Variants in BABAM2 observed in about 807,000 individuals in gnomAD.
BABAM2 encodes the protein BRISC and BRCA1-A complex member 2.
A neutral mutation model predicts 54.7 loss-of-function variants in BABAM2; 31 were observed. That is an observed-to-expected ratio of 0.57 (90% CI 0.43 to 0.77). The LOEUF is 0.77. Among genes scored for constraint, BABAM2 ranks in the 30% least tolerant of loss-of-function variants. The pLI, the probability that BABAM2 is intolerant of heterozygous loss-of-function variation, is 0.00. For missense variants in BABAM2, 364 were observed against 455.8 expected (o/e 0.80, Z 1.83); for synonymous variants, 167 against 162.9 (o/e 1.03, Z -0.19).
At chr2:28,321,538 G>A (rs1181836544) in intron 11 of BABAM2, among the ~76,000 whole-genome samples, 3 of 152,134 alleles carry the variant, frequency 2.0e-5, no homozygotes, top group African/African-American at 7.2e-5. Flanking sequence ...GAATGAGGCT[G>A]TGTCACCACT....
At chr2:28,079,896 A>G (rs185283940) in intron 6 of BABAM2, among the ~76,000 whole-genome samples, 5 of 152,308 alleles carry the variant, frequency 3.3e-5, no homozygotes, top group Admixed American at 2.0e-4. Flanking sequence ...TGGTATTAAC[A>G]ATAAAAGTTA....
rs10166652 is a variant in BABAM2, at chr2:28,114,868, A to C, written c.571-14403A>C. On this transcript the variant is annotated intron_variant, in intron 6 of 11. Transcript: ENST00000379624. ...ACTTATACCAACTGATTTACATTGGAAAGTCAAGTTAATAATTTCAATAGA... is the reference window on the plus strand; with the variant it reads ...ACTTATACCAACTGATTTACATTGGCAAGTCAAGTTAATAATTTCAATAGA... Among the ~76,000 whole-genome samples the C allele has an allele frequency of 3.1e-3, 475 of 152,312 alleles. 5 individuals carry two copies. Among genetic ancestry groups the C allele is most frequent in the African/African-American group, 0.011 (457 of 41,562 alleles).
intron 6 of BABAM2, among the ~76,000 whole-genome samples, chr2:28,079,902 A>C (rs1665014791): frequency 6.6e-6 from 1 of 152,174 alleles, no homozygotes; most frequent in Admixed American, 6.5e-5. Context: ...TAACAATAAA[A>C]GTTATATTAT....
rs575202066 is a variant in BABAM2, at chr2:28,284,277, G to T, written c.935-14061G>T. On this transcript the variant is annotated intron_variant, in intron 10 of 11. Transcript: ENST00000379624. ...TGTCCCACCCATGCTCATAGAAGAA[G>T]TAATGACCAAGGAGCTAGTCAGAAA... Among the ~76,000 whole-genome samples the T allele has an allele frequency of 9.4e-4, 143 of 152,062 alleles. 1 individual carries two copies. The highest frequency in any genetic ancestry group is 3.3e-3 in the African/African-American group (136 of 41,492).
intron 5 of BABAM2, among the ~76,000 whole-genome samples, chr2:28,036,698 T>C (rs900704482): frequency 3.3e-5 from 5 of 152,224 alleles, no homozygotes; most frequent in Admixed American, 2.6e-4. Flanking sequence ...GGCCATGCTA[T>C]GTTTTTATCC....
intron 6 of BABAM2, among the ~76,000 whole-genome samples, chr2:28,101,703 T>C (rs998251009): frequency 1.3e-5 from 2 of 152,214 alleles, no homozygotes; most frequent in Admixed American, 1.3e-4. Context: ...GTGCATGTTT[T>C]ATGATGTTCA....
chr2:28,233,594 G>GT (rs1333855505), intron 7 of BABAM2, among the ~76,000 whole-genome samples: 6 of 152,230 alleles, frequency 3.9e-5, no homozygotes. Context: ...GCACTTATCA[G>GT]TGTGTGACAC....
intron 6 of BABAM2, among the ~76,000 whole-genome samples, chr2:28,055,345 G>A (rs1678316001): frequency 6.6e-6 from 1 of 152,048 alleles, no homozygotes; most frequent in Non-Finnish European, 1.5e-5. Context: ...AAAATAATCT[G>A]TATACCAAAC....
chr2:28,146,327 T>G (rs1558381924), intron 7 of BABAM2, among the ~76,000 whole-genome samples: 1 of 152,204 alleles, frequency 6.6e-6, no homozygotes, highest in African/African-American at 2.4e-5. Context: ...TCTTGTCTAC[T>G]TCCTACCCTC....
At chr2:27,944,653 A>G (rs993683188) in intron 3 of BABAM2, among the ~76,000 whole-genome samples, 2 of 150,264 alleles carry the variant, frequency 1.3e-5, no homozygotes, top group Non-Finnish European at 3.0e-5. Context: ...TTTTTTTTCT[A>G]TTTTTTGGCT....
intron 4 of BABAM2, among the ~76,000 whole-genome samples, chr2:27,994,848 A>G (rs1288140197): frequency 1.3e-5 from 2 of 152,132 alleles, no homozygotes; most frequent in African/African-American, 4.8e-5. Context: ...TATAGTATAG[A>G]TGATAGGACA....
intron 6 of BABAM2, among the ~76,000 whole-genome samples, chr2:28,095,842 A>T (rs1666572686): frequency 6.6e-6 from 1 of 152,190 alleles, no homozygotes; most frequent in African/African-American, 2.4e-5. Flanking sequence ...CTTGGAGGTG[A>T]AGAAGAGAAC....
chr2:28,059,562 G>A (rs1261765890), intron 6 of BABAM2, among the ~76,000 whole-genome samples: 1 of 152,216 alleles, frequency 6.6e-6, no homozygotes, highest in Non-Finnish European at 1.5e-5. Flanking sequence ...TACTGATAGT[G>A]TTGGCATTCT....
At chr2:28,008,610 A>G (rs1480330443) in intron 4 of BABAM2, among the ~76,000 whole-genome samples, 1 of 152,206 alleles carries the variant, frequency 6.6e-6, no homozygotes, top group Non-Finnish European at 1.5e-5. Context: ...TAATGAAACC[A>G]TCACAAAAAC....
chr2:28,270,493 T>C (rs1247485284), intron 10 of BABAM2, among the ~76,000 whole-genome samples: 4 of 152,220 alleles, frequency 2.6e-5, no homozygotes, highest in Non-Finnish European at 5.9e-5. Flanking sequence ...TAAGTAGTGG[T>C]GTCTGGCACC....
intron 6 of BABAM2, among the ~76,000 whole-genome samples, chr2:28,112,137 C>CTTTCT (rs1558346586): frequency 5.7e-5 from 1 of 17,468 alleles, no homozygotes; most frequent in Non-Finnish European, 1.1e-4. Flanking sequence ...TTCTTTCTTT[C>CTTTCT]TTTCTTTCTT....
rs144246087 is a variant in BABAM2 at position 28,180,593 on chromosome 2, G to T, written c.680+51213G>T. ...GTCTGTGGCCTCAAAAGCACAGGTA[G>T]CAAAAACAAAAATAGGCACATGGGA... On this transcript the variant is annotated intron_variant, in intron 7 of 11. Coordinates refer to ENST00000379624, the MANE Select transcript of BABAM2 (RefSeq NM_199191.3). Among the ~76,000 whole-genome samples, 424 of 152,074 alleles carry T rather than the reference G, an allele frequency of 2.8e-3. 1 individual carries two copies. The highest frequency in any genetic ancestry group is 9.7e-3 in the African/African-American group (402 of 41,490).
At chr2:27,949,398 G>A (rs1185680171) in intron 3 of BABAM2, among the ~76,000 whole-genome samples, 2 of 152,068 alleles carry the variant, frequency 1.3e-5, no homozygotes, top group African/African-American at 2.4e-5. Flanking sequence ...GCCAGGCGTG[G>A]TGATGGGTGC....
chr2:28,203,860 C>A (rs917879642), intron 7 of BABAM2, among the ~76,000 whole-genome samples: 14 of 152,282 alleles, frequency 9.2e-5, no homozygotes, highest in African/African-American at 3.4e-4. Context: ...GGGTGAACAT[C>A]CTTAGAGCAC....
Sources: allele counts gnomAD v4.1 joint callset (sites outside exome capture counted in the v4.1 genomes callset), GRCh38; gene constraint gnomAD v4.1.1; transcripts MANE v1.5; gene names NCBI Gene and HGNC (gene_info 2026-07-23, HGNC 2026-07-21).